The following PARP10 variants were observed in gnomAD, a reference collection of about 807,000 sequenced individuals.
The protein encoded by PARP10 is poly(ADP-ribose) polymerase family member 10, also known as protein mono-ADP-ribosyltransferase PARP10.
In PARP10, 56 loss-of-function variants were observed where a neutral mutation model predicts 82.4. That is an observed-to-expected ratio of 0.68 (90% CI 0.55 to 0.85). The LOEUF (loss-of-function observed/expected upper bound fraction) is 0.85. PARP10 is among the 40% of genes least tolerant of loss of function. The pLI is 0.00. For missense variants in PARP10, 1,227 were observed against 1,379.4 expected, an observed-to-expected ratio of 0.89 and a Z score of 1.75; for synonymous variants, 576 against 601.1, an observed-to-expected ratio of 0.96 and a Z score of 0.61.
Position 143,984,738 on chromosome 8 carries a change from C to A in PARP10, c.1264G>T (p.Gly422Trp). ...ACAGGCCCTGCCTTCTCCAGAGACC[C>A]CATGGTGATCTCCATGGGACCCACC... is the stretch of plus-strand genomic sequence containing the variant. ...GLVGPMEITM[G>W]SLEKAGPVSP... The change falls in exon 5 of 11, where the codon GGG becomes TGG. Residue 422 changes from glycine (G) to tryptophan (W), a missense_variant. By Grantham distance (184) the Gly-to-Trp change is radical. Coordinates refer to ENST00000313028, the MANE Select transcript of PARP10 (RefSeq NM_032789.5). 1 of 1,613,670 alleles carries A rather than the reference C, an allele frequency of 6.2e-7. No individual in the cohort carries two copies. The highest frequency in any genetic ancestry group is 8.5e-7 in the Non-Finnish European group (1 of 1,179,844).
upstream of PARP10, chr8:143,991,295 GC>G: frequency 1.0e-5 from 15 of 1,469,936 alleles, no homozygotes; most frequent in South Asian, 1.3e-5. Flanking sequence ...ATCCGGGGGG[GC>G]CCCAGCCACC....
chr8:144,012,642 A>C, exon 1 of PARP10: 1 of 1,551,656 alleles, frequency 6.4e-7, no homozygotes, highest in African/African-American at 1.4e-5. Context: ...AGCGATCAAG[A>C]CTCAGGCAGG....
rs1415360286 is a variant in PARP10, at chr8:143,983,698, T to C, written c.1891A>G (p.Thr631Ala). The C allele has an allele frequency of 5.0e-6, 8 of 1,609,168 alleles. No individual in the cohort carries two copies. The highest frequency in any genetic ancestry group is 5.9e-6 in the Non-Finnish European group (7 of 1,177,582). ...GGCTCCTCCTCCTCATGCCCTGGGG[T>C]CACCTCCTCCTCTGGCTGCTCCTGA... ...GPQEQPEEEV[T>A]PGHEEEEPVA... The change falls in exon 8 of 11, where the codon ACC becomes GCC. Residue 631 changes from threonine to alanine, a missense_variant. By Grantham distance (58) the Thr-to-Ala change is moderately conservative (BLOSUM62 0). Transcript: ENST00000313028.
At chr8:143,980,319 CAAAAAAAAAAAAAAAA>C (rs564801582) in intron 9 of PARP10, among the ~76,000 whole-genome samples, 12 of 16,100 alleles carry the variant, frequency 7.5e-4, no homozygotes, top group South Asian at 0.015. Context: ...GATTCCGTCT[CAAAAAAAAAAAAAAAA>C]AAAAAAAAAA....
At chr8:144,007,686 C>T (rs548371448) in intron 1 of PARP10, among the ~76,000 whole-genome samples, 3 of 152,222 alleles carry the variant, frequency 2.0e-5, no homozygotes, top group Middle Eastern at 3.4e-3. Context: ...GACACCCCCC[C>T]ACTCTTGGCA....
Position 143,984,985 on chromosome 8 carries a change from G to A in PARP10, c.1017C>T (p.Pro339=), listed in dbSNP as rs782410720. The A allele has an allele frequency of 7.7e-5, 124 of 1,613,800 alleles. No individual in the cohort carries two copies. The highest frequency in any genetic ancestry group is 8.8e-5 in the Non-Finnish European group (104 of 1,180,002). ...GQSGTSLRTG[P]MGSLGQAEQV... is the part of the protein sequence containing the mutation. ...GCTCTGCCTGTCCCAGAGACCCCAT[G>A]GGACCTGTCCTCAGAGAGGTCCCTG... Residue 339 remains proline, a synonymous_variant, in exon 5 of 11, where the codon CCC becomes CCT. Coordinates refer to ENST00000313028, the MANE Select transcript of PARP10 (RefSeq NM_032789.5).
intron 1 of PARP10, among the ~76,000 whole-genome samples, chr8:144,007,010 C>T (rs1834240578): frequency 2.0e-5 from 3 of 152,280 alleles, no homozygotes; most frequent in Admixed American, 1.3e-4. Flanking sequence ...GCCTGAATGC[C>T]GCCCCCCTGC....
chr8:143,985,613 C>T lies in PARP10; in HGVS notation c.472G>A (p.Gly158Ser), dbSNP rs146902781. 1,232 of 1,613,834 alleles carry T rather than the reference C, an allele frequency of 7.6e-4. 12 individuals carry two copies. The Middle Eastern group carries it at 8.4e-3, about 11-fold the overall frequency. Reference sequence around the variant, plus strand: ...AGGGACACCAAGGTCCCCTCCAGGCCCAGATTCTGGGCCTGCTCCTCCAGG... The same window carrying T: ...AGGGACACCAAGGTCCCCTCCAGGCTCAGATTCTGGGCCTGCTCCTCCAGG... ...RVLEEQAQNL[G>S]LEGTLVSLAR... is the part of the protein sequence containing the mutation. Residue 158 changes from glycine (G) to serine (S), a missense_variant, in exon 4 of 11, where the codon GGC becomes AGC. Coordinates refer to ENST00000313028, the MANE Select transcript of PARP10 (RefSeq NM_032789.5).
chr8:144,002,722 T>A (rs1463920147), intron 1 of PARP10, among the ~76,000 whole-genome samples: 1 of 152,194 alleles, frequency 6.6e-6, no homozygotes, highest in Non-Finnish European at 1.5e-5. Flanking sequence ...CTTTACAACT[T>A]CTGTCTTGAG....
upstream of PARP10, chr8:143,990,699 G>C (rs1834075821): frequency 1.3e-5 from 2 of 152,306 alleles, no homozygotes; most frequent in East Asian, 1.9e-4. The surrounding 1 kb of genome is among the most constrained non-coding windows in gnomAD (Gnocchi z 5.6). Context: ...GCGGGGGTGG[G>C]GGGGCTCGGG....
Position 143,984,265 on chromosome 8 carries a change from C to T in PARP10, c.1625G>A (p.Cys542Tyr), listed in dbSNP as rs1554748572. Reference sequence around the variant, plus strand: ...GGCCAGGCGCTCTGTCCCAAAGACACACTGGAACTGAGCCTCCAGCCCCTG... The same window carrying T: ...GGCCAGGCGCTCTGTCCCAAAGACATACTGGAACTGAGCCTCCAGCCCCTG... Reference protein sequence around the residue: ...LLQGLEAQFQCVFGTERLATA... With the variant: ...LLQGLEAQFQYVFGTERLATA... Residue 542 changes from cysteine (C) to tyrosine (Y), a missense_variant, in exon 6 of 11, where the codon TGT (cysteine) becomes TAT (tyrosine). Coordinates refer to ENST00000313028, the MANE Select transcript of PARP10 (RefSeq NM_032789.5). 3 of 1,613,968 alleles carry T rather than the reference C, an allele frequency of 1.9e-6. No individual in the cohort carries two copies. Among genetic ancestry groups the T allele is most frequent in the Non-Finnish European group, 1.7e-6 (2 of 1,179,996 alleles).
chr8:144,011,182 G>A lies in PARP10; in HGVS notation c.-80+1348C>T, dbSNP rs1834279368. Reference sequence around the variant, plus strand: ...ATCACTGACTGCATCAACCCAAGAGGCTAACAGTGAAATAAGACCATGACA... The same window carrying A: ...ATCACTGACTGCATCAACCCAAGAGACTAACAGTGAAATAAGACCATGACA... On this transcript the variant is annotated intron_variant, in intron 1 of 3. Transcript: ENST00000530478. This position sits in a 1 kb window ranked among gnomAD's most constrained non-coding sequence, Gnocchi z 4.5. 6.6e-6 allele frequency among the ~76,000 whole-genome samples: 1 copy of A among 152,056 alleles called. No homozygotes were observed. The highest frequency in any genetic ancestry group is 1.5e-5 in the Non-Finnish European group (1 of 68,006).
chr8:143,991,420 A>G, upstream of PARP10: 1 of 1,355,124 alleles, frequency 7.4e-7, no homozygotes. Context: ...CCCTACCCCC[A>G]AGGGGGCTAC....
chr8:143,995,644 C>T (rs1195964132), upstream of PARP10, among the ~76,000 whole-genome samples: 2 of 152,086 alleles, frequency 1.3e-5, no homozygotes, highest in Non-Finnish European at 2.9e-5. Context: ...TCTTGTAGGC[C>T]TCAGTGTTGC....
chr8:144,011,563 G>A lies in PARP10; in HGVS notation c.-80+967C>T, dbSNP rs951303623. On this transcript the variant is annotated intron_variant, in intron 1 of 3. Transcript: ENST00000530478. This position sits in a 1 kb window ranked among gnomAD's most constrained non-coding sequence, Gnocchi z 4.5. Reference sequence around the variant, plus strand: ...CAGCCACAGAGCCAATGGAGGCCACGAGGACACGGCCTCACTCAGTACTCA... The same window carrying A: ...CAGCCACAGAGCCAATGGAGGCCACAAGGACACGGCCTCACTCAGTACTCA... 6.6e-5 allele frequency among the ~76,000 whole-genome samples: 10 copies of A among 152,160 alleles called. No individual in the cohort carries two copies. The highest frequency in any genetic ancestry group is 2.2e-4 in the African/African-American group (9 of 41,438).
intron 1 of PARP10, chr8:144,012,394 G>A: frequency 1.3e-6 from 1 of 769,118 alleles, no homozygotes; most frequent in Non-Finnish European, 2.2e-6. Flanking sequence ...AATACCCAGG[G>A]CCCACTGGGC....
chr8:143,983,046 CT>C lies in PARP10; in HGVS notation c.2441del (p.Lys814ArgfsTer136). 1 of 1,613,760 alleles carries C rather than the reference CT, an allele frequency of 6.2e-7. No individual in the cohort carries two copies. The highest frequency in any genetic ancestry group is 8.5e-7 in the Non-Finnish European group (1 of 1,179,928). ...SGPTLAGQTL[K>X]GPWNNLERLA... The stretch of plus-strand genomic sequence containing the variant: ...GACGCTCCAGGTTGTTCCAGGGCCC[CT>C]TCAGCGTCTGCCCCGCCACTGATGC... On this transcript the variant is annotated frameshift_variant, in exon 9 of 11. Transcript: ENST00000313028. LOFTEE classifies it high-confidence loss of function.
At chr8:143,998,697 C>A (rs1208817918) in intron 1 of PARP10, among the ~76,000 whole-genome samples, 2 of 152,182 alleles carry the variant, frequency 1.3e-5, no homozygotes, top group Non-Finnish European at 2.9e-5. Flanking sequence ...TGGCCTTAAT[C>A]CCAACACTTT....
intron 1 of PARP10, among the ~76,000 whole-genome samples, chr8:144,003,147 G>A (rs1417996775): frequency 6.6e-6 from 1 of 152,220 alleles, no homozygotes; most frequent in Non-Finnish European, 1.5e-5. Flanking sequence ...AAACAGCCGG[G>A]CACGGTGGCT....
Sources: gnomAD v4.1 joint callset for allele counts (sites outside exome capture counted in the v4.1 genomes callset) on GRCh38, gnomAD v4.1.1 for gene constraint, Gnocchi (gnomAD v3.1) non-coding constraint, MANE v1.5 for transcripts, NCBI Gene and HGNC (gene_info 2026-07-23, HGNC 2026-07-21) for gene names.